The following IGSF5 variants were observed in gnomAD, a reference collection of about 807,000 sequenced individuals.
The protein encoded by IGSF5 is immunoglobulin superfamily 5 like.
Under a neutral mutation model 39.4 loss-of-function variants are expected in IGSF5, and 41 were observed. The ratio of observed to expected loss-of-function variants is 1.04; its 90% CI spans 0.81 to 1.35. The LOEUF is 1.35. Among genes scored for constraint, IGSF5 ranks in the 40% most tolerant of loss-of-function variants. The pLI is 0.00. For synonymous variants in IGSF5, 183 were observed against 175.3 expected, an observed-to-expected ratio of 1.04 and a Z score of -0.34; for missense variants, 487 against 494.6, an observed-to-expected ratio of 0.98 and a Z score of 0.15.
upstream of IGSF5, among the ~76,000 whole-genome samples, chr21:39,743,625 G>A (rs2079957328): frequency 1.5e-5 from 1 of 66,566 alleles, no homozygotes; most frequent in South Asian, 6.9e-4. Context: ...AGTTGGGGAA[G>A]GAGTCAGGGG....
intron 8 of IGSF5, among the ~76,000 whole-genome samples, chr21:39,796,974 C>T (rs1339155434): frequency 6.6e-6 from 1 of 152,190 alleles, no homozygotes; most frequent in African/African-American, 2.4e-5. Context: ...TGACCACATA[C>T]ACTCGCTCTC....
At chr21:39,758,554 C>T (rs1731231294) in intron 2 of IGSF5, among the ~76,000 whole-genome samples, 1 of 152,200 alleles carries the variant, frequency 6.6e-6, no homozygotes, top group African/African-American at 2.4e-5. Flanking sequence ...ATCTCAGTTT[C>T]CATTTACTGA....
chr21:39,779,264 ACTGCT>A lies in IGSF5; in HGVS notation c.894_898del (p.Asn298LysfsTer9). Reference sequence around the variant, plus strand: ...TGCCGCCGTCGTTGTTGTGGCTGCAACTGCTGCTGCCGTTGTTGTTTCTGCTGTAG... The same window carrying A: ...TGCCGCCGTCGTTGTTGTGGCTGCAAGCTGCCGTTGTTGTTTCTGCTGTAG... On this transcript the variant is annotated frameshift_variant, in exon 5 of 9. Transcript: ENST00000380588. LOFTEE classifies it high-confidence loss of function. 1 of 1,613,044 alleles carries A rather than the reference ACTGCT, an allele frequency of 6.2e-7. No homozygotes were observed. Among genetic ancestry groups the A allele is most frequent in the Non-Finnish European group, 8.5e-7 (1 of 1,179,208 alleles).
the IGSF5 span, among the ~76,000 whole-genome samples, chr21:39,712,073 C>T: frequency 6.6e-6 from 1 of 152,174 alleles, no homozygotes; most frequent in Non-Finnish European, 1.5e-5. Flanking sequence ...GGCAGCACTC[C>T]TTCCAGCCAC....
intron 8 of IGSF5, among the ~76,000 whole-genome samples, chr21:39,798,105 C>T (rs1371598354): frequency 6.6e-6 from 1 of 152,156 alleles, no homozygotes; most frequent in Non-Finnish European, 1.5e-5. Context: ...TGGTCTTCAC[C>T]TCTAGACATC....
the IGSF5 span, chr21:39,725,744 A>G: frequency 6.6e-6 from 1 of 152,190 alleles, no homozygotes; most frequent in Non-Finnish European, 1.5e-5. Context: ...TGGAAAAAAA[A>G]CTAGCACATC....
the IGSF5 span, among the ~76,000 whole-genome samples, chr21:39,737,160 AAAT>A: frequency 2.0e-4 from 31 of 151,902 alleles, 1 homozygote; most frequent in South Asian, 6.5e-3. Context: ...GAAGGGAAAA[AAAT>A]ATTTCCTCTT....
rs1569252968 is a variant in IGSF5, at chr21:39,769,489, A to AAAG, written c.419-1425_419-1423dup. Among the ~76,000 whole-genome samples the AAAG allele has an allele frequency of 7.3e-5, 11 of 150,302 alleles. 1 individual carries two copies. The highest frequency in any genetic ancestry group is 2.2e-4 in the African/African-American group (9 of 40,250). On this transcript the variant is annotated intron_variant, in intron 3 of 8. Coordinates refer to ENST00000380588, the MANE Select transcript of IGSF5 (RefSeq NM_001080444.2). ...TCTCAAAAAAAAAAAAAAAAAAAAA[A>AAAG]AAGAGAAAAGTAAGTTTTGGTACAG...
intron 4 of IGSF5, among the ~76,000 whole-genome samples, chr21:39,777,057 A>G (rs1158955238): frequency 9.2e-5 from 14 of 152,232 alleles, no homozygotes; most frequent in Admixed American, 9.2e-4. Context: ...TAAGTGAGCC[A>G]GAAGCCAAAG....
At chr21:39,766,660 G>A (rs1569252162) in intron 3 of IGSF5, among the ~76,000 whole-genome samples, 1 of 152,122 alleles carries the variant, frequency 6.6e-6, no homozygotes, top group Non-Finnish European at 1.5e-5. Flanking sequence ...AGGTGCTGAA[G>A]ATAATGTTAC....
chr21:39,765,488 A>G (rs2080081925), intron 2 of IGSF5, 47 bp from the exon 3 acceptor site: 44 of 1,542,660 alleles, frequency 2.9e-5, no homozygotes, highest in Non-Finnish European at 3.8e-5. Flanking sequence ...CAGTTGATTT[A>G]TGGAGATCCA....
chr21:39,722,674 A>G, the IGSF5 span: 1 of 152,216 alleles, frequency 6.6e-6, no homozygotes, highest in African/African-American at 2.4e-5. Flanking sequence ...CTAAAATTTC[A>G]TCCCTTGTAT....
chr21:39,778,368 A>G (rs1294635935), intron 4 of IGSF5, among the ~76,000 whole-genome samples: 2 of 152,214 alleles, frequency 1.3e-5, no homozygotes, highest in East Asian at 3.8e-4. Flanking sequence ...GAAAAGAATC[A>G]AAATGGCTTT....
intron 2 of IGSF5, among the ~76,000 whole-genome samples, chr21:39,760,441 G>A (rs546906675): frequency 2.8e-4 from 43 of 152,314 alleles, no homozygotes; most frequent in Non-Finnish European, 5.0e-4. Flanking sequence ...ATTGCAGGCC[G>A]GTCACTGCAC....
intron 4 of IGSF5, among the ~76,000 whole-genome samples, chr21:39,774,482 T>C (rs1429495739): frequency 1.3e-5 from 2 of 152,258 alleles, no homozygotes; most frequent in Non-Finnish European, 2.9e-5. Flanking sequence ...TATGAAGTAC[T>C]TCCTGGTTTA....
intron 5 of IGSF5, 85 bp downstream of exon 5, chr21:39,779,390 C>G: frequency 6.7e-7 from 1 of 1,492,678 alleles, no homozygotes; most frequent in Non-Finnish European, 9.0e-7. Context: ...TCAGCTCTTT[C>G]AAAAGATAGA....
chr21:39,745,161 CTCTCTCTCTCTCTCCA>C (rs1202628389), upstream of IGSF5, among the ~76,000 whole-genome samples: 8 of 151,480 alleles, frequency 5.3e-5, no homozygotes, highest in Non-Finnish European at 1.5e-5. Flanking sequence ...CTCTTCATCT[CTCTCTCTCTCTCTCCA>C]TCTCTCTCTC....
rs772411202 is a variant in IGSF5 at position 39,771,159 on chromosome 21, G to T, written c.662G>T (p.Ser221Ile). 6.2e-7 allele frequency: 1 copy of T among 1,604,634 alleles called. No homozygotes were observed. The highest frequency in any genetic ancestry group is 8.5e-7 in the Non-Finnish European group (1 of 1,174,544). ...GTLTCVATWK[S>I]LKARKSATVN... ...TTGACTTGCGTGGCTACCTGGAAGA[G>T]CCTGAAGGCCCGCAAGTCTGCAACT... is the stretch of plus-strand genomic sequence containing the variant. The change falls in exon 4 of 9, where the codon AGC becomes ATC. Residue 221 changes from serine (S) to isoleucine (I), a missense_variant. By Grantham distance (142) the Ser-to-Ile change is moderately radical (BLOSUM62 -2). Transcript: ENST00000380588.
rs115691004 is a variant in IGSF5, at chr21:39,771,860, C to T, written c.718+645C>T. Among the ~76,000 whole-genome samples the T allele has an allele frequency of 7.0e-3, 1,058 of 152,192 alleles. 22 individuals are homozygous for T. The highest frequency in any genetic ancestry group is 0.038 in the South Asian group (182 of 4,806). On this transcript the variant is annotated intron_variant, in intron 4 of 8. Coordinates refer to ENST00000380588, the MANE Select transcript of IGSF5 (RefSeq NM_001080444.2). ...TGAGTCAGCCTGGACAGGGTGGGCCCGGGATGCTGGAGATTGACTTTAACT... is the reference window on the plus strand; with the variant it reads ...TGAGTCAGCCTGGACAGGGTGGGCCTGGGATGCTGGAGATTGACTTTAACT...
Sources: gnomAD v4.1 joint callset for allele counts (sites outside exome capture counted in the v4.1 genomes callset) on GRCh38, gnomAD v4.1.1 for gene constraint, MANE v1.5 for transcripts, NCBI Gene and HGNC (gene_info 2026-07-23, HGNC 2026-07-21) for gene names.